The following CHD5 variants were observed in gnomAD, a reference collection of about 807,000 sequenced individuals.
The protein encoded by CHD5 is ATP-dependent chromatin remodeler CHD5.
In CHD5, 69 loss-of-function variants were observed where a neutral mutation model predicts 230.3. The ratio of observed to expected loss-of-function variants is 0.30; its 90% confidence interval spans 0.25 to 0.37. The LOEUF is 0.37. Among genes scored for constraint, CHD5 ranks in the 10% least tolerant of loss-of-function variants. The pLI is 1.00. For synonymous variants in CHD5, 1,064 were observed against 1,065.9 expected (o/e 1.00, Z 0.03); for missense variants, 1,827 against 2,622.8 (o/e 0.70, Z 6.63).
In CHD5 at chr1:6,109,874, C is replaced by T; in HGVS notation, c.5499G>A (p.Glu1833=). 6.2e-7 allele frequency: 1 copy of T among 1,612,794 alleles called. No individual in the cohort carries two copies. The highest frequency in any genetic ancestry group is 8.5e-7 in the Non-Finnish European group (1 of 1,179,664). The change falls in exon 38 of 42, where the codon GAG becomes GAA. Residue 1833 remains glutamate, a synonymous_variant. Coordinates refer to ENST00000262450, the MANE Select transcript of CHD5 (RefSeq NM_015557.3). ...GGTGCTGGTGGCTCTCGGCGAGGCA[C>T]TCCACTTCAGCCAGGCGGGCGTTGA... is the stretch of plus-strand genomic sequence containing the variant. ...MALNARLAEV[E]CLAESHQHLS...
intron 36 of CHD5, among the ~76,000 whole-genome samples, chr1:6,111,242 A>G (rs920856789): frequency 2.1e-5 from 3 of 141,088 alleles, no homozygotes; most frequent in African/African-American, 7.8e-5. Context: ...AAAAAAAAGA[A>G]AAAGAAAAAG....
rs1240903249 is a variant in CHD5 at position 6,143,674 on chromosome 1, C to G, written c.2043+149G>C. ...GTGTTATGAGGGGCCTTCCAGCTGT[C>G]CTAGCCTACATGGGCATGACACTGT... is the stretch of plus-strand genomic sequence containing the variant. On this transcript the variant is annotated intron_variant, in intron 13 of 41. Coordinates refer to ENST00000262450, the MANE Select transcript of CHD5 (RefSeq NM_015557.3). 7.4e-5 allele frequency: 52 copies of G among 706,774 alleles called. 1 individual carries two copies. Among genetic ancestry groups the G allele is most frequent in the Admixed American group, 2.3e-5 (1 of 44,288 alleles). 43.8% of individuals were successfully genotyped at this position (706,774 alleles called of 1,614,324 possible). A position where few individuals can be genotyped will look rare whatever the true frequency, so the allele number is the denominator to read the frequency against.
intron 11 of CHD5, among the ~76,000 whole-genome samples, chr1:6,144,852 A>G (rs570442811): frequency 3.3e-5 from 5 of 152,380 alleles, no homozygotes; most frequent in African/African-American, 4.8e-5. Context: ...GCCTGGGAAC[A>G]TTAAGAGAAA....
At chr1:6,106,105 C>T (rs147283177) in intron 41 of CHD5, 129 bp downstream of exon 41, 42 of 858,316 alleles carry the variant, frequency 4.9e-5, no homozygotes, top group Middle Eastern at 2.9e-4. Flanking sequence ...CTCTCAAAGC[C>T]GCCGGAGGCA....
At chr1:6,152,763 G>A (rs998353472) in intron 5 of CHD5, among the ~76,000 whole-genome samples, 3 of 152,202 alleles carry the variant, frequency 2.0e-5, no homozygotes, top group Non-Finnish European at 4.4e-5. Context: ...TGCCCTGACC[G>A]CCTTGCTGCC....
chr1:6,128,744 G>T lies in CHD5; in HGVS notation c.3619+94C>A. ...GGGGGGTGCAGAAGAGAGGCTGTGT[G>T]TTGGAGCGGGCAGGGACCCAAGCAA... On this transcript the variant is annotated intron_variant, in intron 23 of 41. Coordinates refer to ENST00000262450, the MANE Select transcript of CHD5 (RefSeq NM_015557.3). This position sits in a 1 kb window ranked among gnomAD's most constrained non-coding sequence, Gnocchi z 7.8. 1 of 1,281,624 alleles carries T rather than the reference G, an allele frequency of 7.8e-7. No individual in the cohort carries two copies. The highest frequency in any genetic ancestry group is 1.1e-6 in the Non-Finnish European group (1 of 899,340). The allele number at this position is 1,281,624 out of a possible 1,614,324, so 79.4% of individuals were successfully genotyped here.
chr1:6,126,512 A>T lies in CHD5; in HGVS notation c.4078+60T>A. ...TTCTGCACAGGGATGCCCTGACAGA[A>T]TCCTGCCCCACCCTCCGCCTCTGGG... On this transcript the variant is annotated intron_variant, in intron 26 of 41. Coordinates refer to ENST00000262450, the MANE Select transcript of CHD5 (RefSeq NM_015557.3). The surrounding 1 kb of genome is among the most constrained non-coding windows in gnomAD (Gnocchi z 5.7). 6.8e-7 allele frequency: 1 copy of T among 1,475,498 alleles called. No individual in the cohort carries two copies. The highest frequency in any genetic ancestry group is 1.1e-5 in the South Asian group (1 of 87,834). The allele number at this position is 1,475,498 out of a possible 1,614,324, so 91.4% of individuals were successfully genotyped here. A position where few individuals can be genotyped will look rare whatever the true frequency, so the allele number is the denominator to read the frequency against.
intron 2 of CHD5, among the ~76,000 whole-genome samples, chr1:6,160,214 G>A (rs1442471228): frequency 1.3e-5 from 1 of 75,232 alleles, no homozygotes; most frequent in African/African-American, 8.7e-5. Flanking sequence ...CCCTAGCCAG[G>A]GAAGGGCCCC....
At chr1:6,132,041 G>C (rs1004641791) in intron 20 of CHD5, among the ~76,000 whole-genome samples, 4 of 152,170 alleles carry the variant, frequency 2.6e-5, no homozygotes, top group Admixed American at 6.5e-5. Flanking sequence ...TCACTGCCCT[G>C]TATTCAAGGC....
intron 15 of CHD5, among the ~76,000 whole-genome samples, chr1:6,141,592 G>A (rs1034811283): frequency 6.6e-5 from 10 of 152,070 alleles, no homozygotes; most frequent in Non-Finnish European, 8.8e-5. Flanking sequence ...TCCAGCCTGG[G>A]CGATACAGTG....
chr1:6,152,398 A>G lies in CHD5; in HGVS notation c.870+14T>C, dbSNP rs181038192. 4.5e-4 allele frequency: 721 copies of G among 1,611,046 alleles called. 2 individuals are homozygous for G. In the African/African-American group the frequency reaches 6.3e-3, roughly 14 times the overall value. On this transcript the variant is annotated intron_variant, in intron 6 of 41. Coordinates refer to ENST00000262450, the MANE Select transcript of CHD5 (RefSeq NM_015557.3). ...TGCAAATGCACACACACGCGCACAC[A>G]CGCACACACTCACCGAGGAGCCTTT... is the stretch of plus-strand genomic sequence containing the variant.
At position 6,162,947 on chromosome 1, in the gene CHD5, G is replaced by A. The variant is rs548489742; in HGVS notation, c.208-3432C>T. 8.4e-4 allele frequency among the ~76,000 whole-genome samples: 128 copies of A among 152,250 alleles called. 2 individuals are homozygous for A. The South Asian group carries it at 8.9e-3, about 11-fold the overall frequency. ...ACCTGCAGGGGAGACCAGGAGTGGC[G>A]GCCCAGGGAGAGCCGGAAGGAGGGA... On this transcript the variant is annotated intron_variant, in intron 2 of 41. Transcript: ENST00000262450.
rs568623909 is a variant in CHD5, at chr1:6,127,891, G to A, written c.3903+155C>T. ...ACACGCTGGAGTGCGGGGCACAGCA[G>A]GGAGGGCGGGGCTGCGGCTGGAGGG... On this transcript the variant is annotated intron_variant, in intron 25 of 41. Coordinates refer to ENST00000262450, the MANE Select transcript of CHD5 (RefSeq NM_015557.3). Among the ~76,000 whole-genome samples the A allele has an allele frequency of 2.8e-4, 43 of 152,056 alleles. No individual in the cohort carries two copies. The South Asian group carries it at 7.3e-3, about 26-fold the overall frequency.
rs1171845669 is a variant in CHD5 at position 6,169,952 on chromosome 1, C to A, written c.80-1675G>T. Among the ~76,000 whole-genome samples, 3 of 152,264 alleles carry A rather than the reference C, an allele frequency of 2.0e-5. No homozygotes were observed. In the East Asian group the frequency reaches 5.8e-4, roughly 29 times the overall value. On this transcript the variant is annotated intron_variant, in intron 1 of 41. Transcript: ENST00000262450. ...ACACAACAGGGAGTGTCACTCAGAG[C>A]CTGAGGGTTGCCTCCAGTGGGACCC... is the stretch of plus-strand genomic sequence containing the variant.
intron 38 of CHD5, among the ~76,000 whole-genome samples, chr1:6,108,175 T>TGAAG (rs1666226706): frequency 9.5e-6 from 1 of 105,648 alleles, no homozygotes; most frequent in Non-Finnish European, 1.9e-5. Context: ...GATGGAGGGA[T>TGAAG]GATGGAGGGT....
intron 25 of CHD5, chr1:6,127,081 A>T (rs942567315): frequency 5.4e-5 from 19 of 353,204 alleles, no homozygotes; most frequent in Non-Finnish European, 9.4e-5. Context: ...TCATGGGCTC[A>T]CCAGGTCTGC....
chr1:6,139,532 C>T (rs1666796349), intron 15 of CHD5, among the ~76,000 whole-genome samples: 2 of 149,744 alleles, frequency 1.3e-5, no homozygotes, highest in East Asian at 1.9e-4. Flanking sequence ...CCACCGTGCC[C>T]GGCTGATTTT....
At position 6,136,812 on chromosome 1, in the gene CHD5, G is replaced by A. The variant is rs1381573444; in HGVS notation, c.2490C>T (p.Thr830=). 1 of 1,613,848 alleles carries A rather than the reference G, an allele frequency of 6.2e-7. No individual in the cohort carries two copies. Among genetic ancestry groups the A allele is most frequent in the East Asian group, 2.2e-5 (1 of 44,842 alleles). The part of the protein sequence containing the change: ...HVLLTSYELI[T]IDQAILGSIE... ...TGGAGCCCAGGATGGCCTGGTCAAT[G>A]GTGATGAGCTCATAGGAGGTGAGCA... Residue 830 remains threonine (T), a synonymous_variant, in exon 16 of 42, where the codon ACC becomes ACT. Transcript: ENST00000262450.
chr1:6,141,594 G>A (rs997972846), intron 15 of CHD5, among the ~76,000 whole-genome samples: 3 of 152,016 alleles, frequency 2.0e-5, no homozygotes, highest in African/African-American at 4.8e-5. Context: ...CAGCCTGGGC[G>A]ATACAGTGTC....
Sources: gnomAD v4.1 joint callset for allele counts (sites outside exome capture counted in the v4.1 genomes callset) on GRCh38, gnomAD v4.1.1 for gene constraint, Gnocchi (gnomAD v3.1) non-coding constraint, MANE v1.5 for transcripts, NCBI Gene and HGNC (gene_info 2026-07-23, HGNC 2026-07-21) for gene names.